BCAR3: variants seen among roughly 807,000 people sequenced by gnomAD.
BCAR3 encodes the protein breast cancer anti-estrogen resistance protein 3.
A neutral mutation model predicts 80.1 loss-of-function variants in BCAR3; 37 were observed. The observed-to-expected ratio is 0.46, with a 90% confidence interval of 0.36 to 0.61. The LOEUF is 0.61. BCAR3 is among the 20% of genes least tolerant of loss of function. The pLI is 0.00. For missense variants in BCAR3, 978 were observed against 1,068.2 expected (o/e 0.92, Z 1.18); for synonymous variants, 389 against 418.9 (o/e 0.93, Z 0.87).
chr1:93,574,634 C>G (rs370043661), intron 8 of BCAR3, among the ~76,000 whole-genome samples: 4 of 152,182 alleles, frequency 2.6e-5, no homozygotes, highest in Admixed American at 6.5e-5. Flanking sequence ...CTGGAACCTG[C>G]GGCCTTTCAG....
chr1:93,584,223 A>G (rs1212038548), intron 5 of BCAR3, 102 bp from the exon 6 acceptor site: 9 of 992,890 alleles, frequency 9.1e-6, no homozygotes, highest in Non-Finnish European at 1.5e-6. Flanking sequence ...AAAAAAGAAA[A>G]CTGCTCAGAA....
chr1:93,610,920 CA>C (rs11396715), intron 3 of BCAR3, among the ~76,000 whole-genome samples: 142 of 139,242 alleles, frequency 1.0e-3, no homozygotes, highest in Non-Finnish European at 9.0e-4. Flanking sequence ...AACTACGTCT[CA>C]AAAAAAAAAA....
At chr1:93,571,374 C>G (rs1673207454) in intron 9 of BCAR3, among the ~76,000 whole-genome samples, 1 of 151,836 alleles carries the variant, frequency 6.6e-6, no homozygotes, top group South Asian at 2.1e-4. Flanking sequence ...GTGGTGCCTG[C>G]CTATAGTCCC....
chr1:93,810,192 CAAA>C (rs111305058), intron 2 of BCAR3, among the ~76,000 whole-genome samples: 10 of 98,834 alleles, frequency 1.0e-4, no homozygotes, highest in Admixed American at 1.1e-4. Flanking sequence ...GACTCCATCT[CAAA>C]AAAAAAAAAA....
intron 3 of BCAR3, among the ~76,000 whole-genome samples, chr1:93,607,905 A>G (rs1674824808): frequency 6.6e-6 from 1 of 152,072 alleles, no homozygotes; most frequent in South Asian, 2.1e-4. Context: ...GACACAGCAG[A>G]GCTCCTTCGG....
intron 3 of BCAR3, among the ~76,000 whole-genome samples, chr1:93,692,310 G>T (rs1359541082): frequency 6.6e-6 from 1 of 152,162 alleles, no homozygotes; most frequent in Non-Finnish European, 1.5e-5. Flanking sequence ...GCCTCCTCTT[G>T]TGTGGTAACC....
At chr1:93,741,270 T>C (rs1171838857) in intron 2 of BCAR3, among the ~76,000 whole-genome samples, 3 of 152,174 alleles carry the variant, frequency 2.0e-5, no homozygotes, top group Non-Finnish European at 4.4e-5. Flanking sequence ...ACATGCTGAA[T>C]AATAACAGCC....
At chr1:93,753,776 G>A (rs758400648) in intron 2 of BCAR3, 5 of 151,858 alleles carry the variant, frequency 3.3e-5, no homozygotes, top group Admixed American at 6.6e-5. Flanking sequence ...GTACTTTAAT[G>A]TGACTTAAAT....
At chr1:93,660,520 G>C (rs879349166) in intron 2 of BCAR3, among the ~76,000 whole-genome samples, 1 of 152,178 alleles carries the variant, frequency 6.6e-6, no homozygotes, top group Non-Finnish European at 1.5e-5. Flanking sequence ...GCTTAAAATG[G>C]GACACGCCTG....
At chr1:93,735,709 T>G (rs916927899) in intron 2 of BCAR3, among the ~76,000 whole-genome samples, 7 of 152,248 alleles carry the variant, frequency 4.6e-5, no homozygotes, top group African/African-American at 1.7e-4. Context: ...ATCCATTTAT[T>G]GCATAAAGTG....
At chr1:93,669,143 C>T (rs547293716) in intron 2 of BCAR3, among the ~76,000 whole-genome samples, 20 of 152,232 alleles carry the variant, frequency 1.3e-4, no homozygotes, top group African/African-American at 4.6e-4. Context: ...ACCTTCGCAT[C>T]GTACATCCTT....
intron 2 of BCAR3, among the ~76,000 whole-genome samples, chr1:93,811,803 T>C (rs562664384): frequency 1.3e-5 from 2 of 152,236 alleles, no homozygotes; most frequent in Non-Finnish European, 2.9e-5. Flanking sequence ...TGGAGTGTGC[T>C]AGAAACAGCT....
chr1:93,584,411 G>T (rs1257064657), intron 5 of BCAR3, among the ~76,000 whole-genome samples: 2 of 152,164 alleles, frequency 1.3e-5, no homozygotes, highest in African/African-American at 4.8e-5. Context: ...GAACAGAGTA[G>T]GGTAAAAGTT....
chr1:93,750,286 C>T (rs1265907754), intron 2 of BCAR3, among the ~76,000 whole-genome samples: 1 of 152,214 alleles, frequency 6.6e-6, no homozygotes, highest in African/African-American at 2.4e-5. Flanking sequence ...TGTATAAACT[C>T]TTCATCTTGT....
intron 2 of BCAR3, among the ~76,000 whole-genome samples, chr1:93,735,910 C>A (rs1360457037): frequency 6.6e-6 from 1 of 152,164 alleles, no homozygotes; most frequent in African/African-American, 2.4e-5. Context: ...AACATTCCTG[C>A]CACCAGAATT....
chr1:93,632,118 C>T (rs905569436), intron 3 of BCAR3, among the ~76,000 whole-genome samples: 2 of 152,194 alleles, frequency 1.3e-5, no homozygotes, highest in African/African-American at 2.4e-5. Flanking sequence ...TGCAGAGATG[C>T]GTCCAAATCC....
At chr1:93,651,153 G>C (rs1173602351) in intron 2 of BCAR3, among the ~76,000 whole-genome samples, 1 of 152,248 alleles carries the variant, frequency 6.6e-6, no homozygotes, top group African/African-American at 2.4e-5. Flanking sequence ...GCTTGGGTGA[G>C]AGTGGGCTTG....
At chr1:93,589,752 C>T (rs1674095344) in intron 4 of BCAR3, among the ~76,000 whole-genome samples, 3 of 152,090 alleles carry the variant, frequency 2.0e-5, no homozygotes, top group Non-Finnish European at 4.4e-5. Context: ...TATGGTATGT[C>T]AGCTGTAAGG....
chr1:93,637,047 G>T (rs1189808490), intron 3 of BCAR3, among the ~76,000 whole-genome samples: 2 of 152,146 alleles, frequency 1.3e-5, no homozygotes, highest in African/African-American at 4.8e-5. Flanking sequence ...AGTGAGCTAT[G>T]ATCCTGCTAC....
Sources: allele counts gnomAD v4.1 joint callset (sites outside exome capture counted in the v4.1 genomes callset), GRCh38; gene constraint gnomAD v4.1.1; transcripts MANE v1.5; gene names NCBI Gene and HGNC (gene_info 2026-07-23, HGNC 2026-07-21).